The following TTC9C variants were observed in gnomAD, a reference collection of about 807,000 sequenced individuals.
TTC9C encodes the protein tetratricopeptide repeat protein 9C.
Under a neutral mutation model 22.5 loss-of-function variants are expected in TTC9C, and 15 were observed. The observed-to-expected ratio is 0.67, with a 90% CI of 0.45 to 1.03. The LOEUF is 1.03. Ranked by LOEUF, TTC9C falls within the 50% of genes least tolerant of loss-of-function variation. The probability of loss-of-function intolerance (pLI) is 0.00; values close to 1 mark genes in which losing one functional copy is unlikely to be tolerated. For missense variants in TTC9C, 244 were observed against 214.6 expected (o/e 1.14, Z -0.86); for synonymous variants, 92 against 86.8 (o/e 1.06, Z -0.33).
chr11:62,736,748 T>G (rs1190949997), intron 2 of TTC9C, among the ~76,000 whole-genome samples: 1 of 148,112 alleles, frequency 6.8e-6, no homozygotes, highest in Admixed American at 6.7e-5. Context: ...CCCAGCTACT[T>G]AGGAGGCTGA....
At chr11:62,738,251 C>CT (rs1181723005) in intron 2 of TTC9C, 37 bp from the exon 3 acceptor site, 8 of 1,357,824 alleles carry the variant, frequency 5.9e-6, no homozygotes, top group African/African-American at 4.3e-5. Flanking sequence ...TTAACTGACT[C>CT]TAACTGTTTC....
chr11:62,729,519 C>A (rs1178859480), intron 1 of TTC9C, among the ~76,000 whole-genome samples: 1 of 151,528 alleles, frequency 6.6e-6, no homozygotes, highest in African/African-American at 2.4e-5. Context: ...CTGTCTTAGC[C>A]TGCCCAGTAG....
In TTC9C at chr11:62,728,940, A is replaced by G. The variant is rs2083804644; in HGVS notation, c.92A>G (p.Tyr31Cys). 1.2e-6 allele frequency: 2 copies of G among 1,614,038 alleles called. No individual in the cohort carries two copies. The highest frequency in any genetic ancestry group is 1.1e-5 in the South Asian group (1 of 91,084). Reference protein sequence around the residue: ...EGKYRDAVSRYHRALLQLRGL... With the variant: ...EGKYRDAVSRCHRALLQLRGL... ...AAGTACCGAGATGCTGTGAGTAGGTACCATCGAGCTCTGCTTCAGCTGCGG... is the reference window on the plus strand; with the variant it reads ...AAGTACCGAGATGCTGTGAGTAGGTGCCATCGAGCTCTGCTTCAGCTGCGG... Residue 31 changes from tyrosine (Y) to cysteine (C), a missense_variant, in exon 1 of 3, where the codon TAC becomes TGC. By Grantham distance (194) the Tyr-to-Cys change is radical. Coordinates refer to ENST00000316461, the MANE Select transcript of TTC9C (RefSeq NM_173810.4).
intron 1 of TTC9C, among the ~76,000 whole-genome samples, chr11:62,731,484 C>G (rs1156611567): frequency 6.6e-6 from 1 of 152,040 alleles, no homozygotes; most frequent in African/African-American, 2.4e-5. Context: ...GTAGTCCCAG[C>G]TATTCTGGAA....
chr11:62,729,221 C>A, intron 1 of TTC9C, 135 bp downstream of exon 1: 2 of 757,214 alleles, frequency 2.6e-6, no homozygotes, highest in African/African-American at 1.8e-5. Context: ...TTGGAATAAC[C>A]TGTCAATCTG....
At chr11:62,730,162 T>TC (rs1305849591) in intron 1 of TTC9C, among the ~76,000 whole-genome samples, 2 of 150,734 alleles carry the variant, frequency 1.3e-5, no homozygotes, top group African/African-American at 2.4e-5. Context: ...TGCAACCTCC[T>TC]CCTCCCGGGT....
In TTC9C at chr11:62,732,813, T is replaced by C. The variant is rs541724283; in HGVS notation, c.239-2569T>C. 1.8e-3 allele frequency among the ~76,000 whole-genome samples: 280 copies of C among 151,496 alleles called. 1 individual carries two copies. Among genetic ancestry groups the C allele is most frequent in the African/African-American group, 6.2e-3 (254 of 41,200 alleles). On this transcript the variant is annotated intron_variant, in intron 1 of 2. Transcript: ENST00000316461. Reference sequence around the variant, plus strand: ...GGCAGGTGCCTGTAGTCCCAGCTACTTGGGAAGCTGAGGCAAGAGAATCGC... The same window carrying C: ...GGCAGGTGCCTGTAGTCCCAGCTACCTGGGAAGCTGAGGCAAGAGAATCGC...
chr11:62,729,594 A>T (rs1285161125), intron 1 of TTC9C, among the ~76,000 whole-genome samples: 7 of 88,342 alleles, frequency 7.9e-5, no homozygotes, highest in African/African-American at 1.6e-4. Context: ...TTTTTTTTTG[A>T]GACGGAGTTT....
chr11:62,729,132 C>A (rs1424365791), intron 1 of TTC9C, 46 bp downstream of exon 1: 3 of 1,522,082 alleles, frequency 2.0e-6, no homozygotes, highest in East Asian at 4.5e-5. Context: ...AAGACAGGAA[C>A]ATGAACATCT....
Position 62,738,300 on chromosome 11 carries a change from G to T in TTC9C, c.434G>T (p.Arg145Leu). The T allele has an allele frequency of 1.2e-6, 2 of 1,611,384 alleles. No homozygotes were observed. The highest frequency in any genetic ancestry group is 8.5e-7 in the Non-Finnish European group (1 of 1,178,618). ...ATCATCTTCCAAGATGCCAACGTCC[G>T]GCGGTACCTCCAGCTGACACAGTCA... ...VNRQPKDANV[R>L]RYLQLTQSEL... Residue 145 changes from arginine (R) to leucine (L), a missense_variant, in exon 3 of 3, where the codon CGG (arginine) becomes CTG (leucine). Transcript: ENST00000316461.
At chr11:62,729,229 C>G in intron 1 of TTC9C, 143 bp downstream of exon 1, 1 of 739,918 alleles carries the variant, frequency 1.4e-6, no homozygotes. Context: ...ACCTGTCAAT[C>G]TGTGCGGCTG....
intron 2 of TTC9C, 144 bp from the exon 3 acceptor site, chr11:62,738,144 T>A (rs2083932591): frequency 2.4e-6 from 1 of 409,742 alleles, no homozygotes; most frequent in African/African-American, 2.0e-5. Context: ...TGAGATTTAC[T>A]ATTGCATAGA....
At position 62,729,013 on chromosome 11, in the gene TTC9C, G is replaced by A. The variant is rs2083806269; in HGVS notation, c.165G>A (p.Gln55=). 2.5e-6 allele frequency: 4 copies of A among 1,614,106 alleles called. No individual in the cohort carries two copies. The highest frequency in any genetic ancestry group is 3.4e-6 in the Non-Finnish European group (4 of 1,180,034). ...LPSPLPNLGP[Q]GPALTPEQEN... ...CTCCGTTACCTAATCTCGGACCTCA[G>A]GGCCCGGCCCTCACGCCTGAACAAG... Residue 55 remains glutamine, a synonymous_variant, in exon 1 of 3, where the codon CAG becomes CAA. Transcript: ENST00000316461.
rs201275660 is a variant in TTC9C, at chr11:62,731,694, C to CT, written c.238+2621dup. Among the ~76,000 whole-genome samples, 205 of 144,600 alleles carry CT rather than the reference C, an allele frequency of 1.4e-3. 1 individual carries two copies. Among genetic ancestry groups the CT allele is most frequent in the Non-Finnish European group, 1.5e-3 (97 of 65,374 alleles). The allele number at this position is 144,600 out of a possible 152,430, so 94.9% of individuals were successfully genotyped here. On this transcript the variant is annotated intron_variant, in intron 1 of 2. Transcript: ENST00000316461. The stretch of plus-strand genomic sequence containing the variant: ...ACATAGTTTTATTTTTCTTAAAGCA[C>CT]TTTTTTTTTTTTTGAGACAGAGTCT...
chr11:62,728,797 G>A lies in TTC9C; in HGVS notation c.-52G>A. 4 of 1,586,876 alleles carry A rather than the reference G, an allele frequency of 2.5e-6. No individual in the cohort carries two copies. Among genetic ancestry groups the A allele is most frequent in the Non-Finnish European group, 3.5e-6 (4 of 1,155,648 alleles). ...CAGTTATTTTGCTCCCAACCCCAGAGCTTCACTTGCTCCTTCACTTCCCAG... is the reference window on the plus strand; with the variant it reads ...CAGTTATTTTGCTCCCAACCCCAGAACTTCACTTGCTCCTTCACTTCCCAG... On this transcript the variant is annotated 5_prime_UTR_variant, in exon 1 of 3. Transcript: ENST00000316461.
At chr11:62,738,230 TG>T (rs2083933286) in intron 2 of TTC9C, 57 bp from the exon 3 acceptor site, 1 of 1,076,540 alleles carries the variant, frequency 9.3e-7, no homozygotes, top group African/African-American at 1.6e-5. Flanking sequence ...CCACAAGGTA[TG>T]ATTATGGTCT....
intron 2 of TTC9C, among the ~76,000 whole-genome samples, chr11:62,736,428 C>G (rs1590915518): frequency 6.6e-6 from 1 of 151,980 alleles, no homozygotes; most frequent in African/African-American, 2.4e-5. Flanking sequence ...GGCGCAGTGG[C>G]TCACACCTGT....
intron 1 of TTC9C, among the ~76,000 whole-genome samples, chr11:62,731,183 C>T (rs1174051099): frequency 6.6e-6 from 1 of 152,200 alleles, no homozygotes; most frequent in African/African-American, 2.4e-5. Context: ...GCCACCATGC[C>T]CTTCCCAAAC....
intron 1 of TTC9C, among the ~76,000 whole-genome samples, chr11:62,730,163 C>T (rs994910740): frequency 5.9e-5 from 9 of 152,092 alleles, no homozygotes; most frequent in Admixed American, 1.3e-4. Flanking sequence ...GCAACCTCCT[C>T]CTCCCGGGTT....
Sources: gnomAD v4.1 joint callset for allele counts (sites outside exome capture counted in the v4.1 genomes callset) on GRCh38, gnomAD v4.1.1 for gene constraint, MANE v1.5 for transcripts, NCBI Gene and HGNC (gene_info 2026-07-23, HGNC 2026-07-21) for gene names.